MROH2A: variants seen among roughly 807,000 people sequenced by gnomAD.
MROH2A encodes maestro heat like repeat family member 2A, also known as maestro heat-like repeat-containing protein family member 2A.
Under a neutral mutation model 200.4 loss-of-function variants are expected in MROH2A, and 174 were observed. The ratio of observed to expected loss-of-function variants is 0.87; its 90% CI spans 0.77 to 0.98. The LOEUF (loss-of-function observed/expected upper bound fraction) is 0.98, where lower values mean the gene tolerates loss of function less well. Ranked by LOEUF, MROH2A falls within the 50% of genes least tolerant of loss-of-function variation. The probability of loss-of-function intolerance (pLI) is 0.00; values close to 1 mark genes in which losing one functional copy is unlikely to be tolerated. For synonymous variants in MROH2A, 829 were observed against 840.4 expected, an observed-to-expected ratio of 0.99 and a Z score of 0.23; for missense variants, 2,045 against 2,139.6, an observed-to-expected ratio of 0.96 and a Z score of 0.87.
chr2:233,793,800 G>A lies in MROH2A; in HGVS notation c.798G>A (p.Val266=). The A allele has an allele frequency of 6.8e-7, 1 of 1,466,210 alleles. No homozygotes were observed. Among genetic ancestry groups the A allele is most frequent in the South Asian group, 1.5e-5 (1 of 68,390 alleles). The allele number at this position is 1,466,210 out of a possible 1,614,324, so 90.8% of individuals were successfully genotyped here. ...CCATGTATCGCTACTTCGTGACAGT[G>A]TGGCTGAGGCACTACAACCCCGAGG... ...VFPMYRYFVT[V]WLRHYNPEVK... is the part of the protein sequence containing the mutation. Residue 266 remains valine (V), a synonymous_variant, in exon 7 of 42, where the codon GTG becomes GTA. Coordinates refer to ENST00000389758, the MANE Select transcript of MROH2A (RefSeq NM_001394639.1).
intron 3 of MROH2A, among the ~76,000 whole-genome samples, chr2:233,782,899 C>A (rs1701015143): frequency 6.6e-6 from 1 of 151,748 alleles, no homozygotes; most frequent in African/African-American, 2.4e-5. Flanking sequence ...CTATGCCCAG[C>A]TTGTTGAGTT....
Position 233,816,709 on chromosome 2 carries a change from C to A in MROH2A, c.2857-72C>A, listed in dbSNP as rs931604279. The A allele has an allele frequency of 1.1e-5, 11 of 1,028,448 alleles. No homozygotes were observed. The African/African-American group carries it at 1.3e-4, about 12-fold the overall frequency. 63.7% of individuals were successfully genotyped at this position (1,028,448 alleles called of 1,614,324 possible). ...GATCTGAGTAGGAGGGTGAGGTGGGCAAAAGCTGGCCAGGAAAGGGCTGGC... is the reference window on the plus strand; with the variant it reads ...GATCTGAGTAGGAGGGTGAGGTGGGAAAAAGCTGGCCAGGAAAGGGCTGGC... On this transcript the variant is annotated intron_variant, in intron 26 of 41. Coordinates refer to ENST00000389758, the MANE Select transcript of MROH2A (RefSeq NM_001394639.1).
intron 1 of MROH2A, among the ~76,000 whole-genome samples, chr2:233,779,046 C>T (rs1700802915): frequency 6.6e-6 from 1 of 152,204 alleles, no homozygotes; most frequent in African/African-American, 2.4e-5. Flanking sequence ...AGGCAGTTTG[C>T]ATCATGGCTG....
At chr2:233,783,503 A>C (rs1304679852) in intron 3 of MROH2A, among the ~76,000 whole-genome samples, 1 of 152,108 alleles carries the variant, frequency 6.6e-6, no homozygotes, top group Non-Finnish European at 1.5e-5. Flanking sequence ...ATTTGTTGGC[A>C]TGTAGTTGTT....
At position 233,807,605 on chromosome 2, in the gene MROH2A, G is replaced by A. The variant is rs901547019; in HGVS notation, c.2172+63G>A. ...CCTCTGGACCCTCGGGGACATGTGT[G>A]TTCATGTGGCTGCATGCGTTTTGTG... On this transcript the variant is annotated intron_variant, in intron 20 of 41. Transcript: ENST00000389758. The surrounding 1 kb of genome is among the most constrained non-coding windows in gnomAD (Gnocchi z 4.3). The A allele has an allele frequency of 6.5e-7, 1 of 1,545,012 alleles. No homozygotes were observed. The highest frequency in any genetic ancestry group is 2.0e-5 in the Admixed American group (1 of 50,888).
At chr2:233,800,099 C>A in intron 13 of MROH2A, 106 bp from the exon 14 acceptor site, 1 of 1,070,868 alleles carries the variant, frequency 9.3e-7, no homozygotes, top group Non-Finnish European at 1.4e-6. Flanking sequence ...ATTCTGTAGA[C>A]TCAGTATCTG....
At chr2:233,818,799 C>G (rs1437919789) in intron 29 of MROH2A, 29 bp downstream of exon 29, 1 of 1,427,692 alleles carries the variant, frequency 7.0e-7, no homozygotes, top group African/African-American at 1.4e-5. Flanking sequence ...GCCTGGGCTG[C>G]CAGGCTGGTC....
Position 233,833,402 on chromosome 2 carries a change from C to T in MROH2A, c.*143C>T, listed in dbSNP as rs2124944704. On this transcript the variant is annotated 3_prime_UTR_variant, in exon 42 of 42. Coordinates refer to ENST00000389758, the MANE Select transcript of MROH2A (RefSeq NM_001394639.1). ...TTTTGTTTCCTTCCGTTGAAATAAA[C>T]CTCCACTGTCGTTGGAGTAGACTTG... is the stretch of plus-strand genomic sequence containing the variant. 1 of 956,938 alleles carries T rather than the reference C, an allele frequency of 1.0e-6. No individual in the cohort carries two copies. Among genetic ancestry groups the T allele is most frequent in the Admixed American group, 3.6e-5 (1 of 27,690 alleles). 59.3% of individuals were successfully genotyped at this position (956,938 alleles called of 1,614,324 possible).
At chr2:233,814,884 A>T (rs769545544) in intron 26 of MROH2A, among the ~76,000 whole-genome samples, 1 of 152,106 alleles carries the variant, frequency 6.6e-6, no homozygotes, top group Non-Finnish European at 1.5e-5. Context: ...ACTTTGTCAC[A>T]TTTTCTTTCT....
intron 22 of MROH2A, 57 bp from the exon 23 acceptor site, chr2:233,810,737 A>T: frequency 6.5e-7 from 1 of 1,536,714 alleles, no homozygotes; most frequent in Non-Finnish European, 8.8e-7. Context: ...TGCAGCTTGG[A>T]TTCTTCTGGG....
upstream of MROH2A, among the ~76,000 whole-genome samples, chr2:233,777,021 C>T (rs1038694350): frequency 2.0e-5 from 3 of 152,188 alleles, no homozygotes; most frequent in Non-Finnish European, 4.4e-5. Context: ...AATGGCCAGC[C>T]CTCTAGCTGT....
rs145584351 is a variant in MROH2A, at chr2:233,782,104, C to A, written c.276+2252C>A. 3.2e-3 allele frequency among the ~76,000 whole-genome samples: 480 copies of A among 152,216 alleles called. 4 individuals are homozygous for A. Among genetic ancestry groups the A allele is most frequent in the African/African-American group, 0.011 (456 of 41,530 alleles). On this transcript the variant is annotated intron_variant, in intron 3 of 41. Coordinates refer to ENST00000389758, the MANE Select transcript of MROH2A (RefSeq NM_001394639.1). ...TATGTGCATGTTTTTATGCCAGTAC[C>A]ATGCTATTTTGGTTACTATGGCTTT...
chr2:233,786,754 TAATC>T (rs1701228726), intron 3 of MROH2A, among the ~76,000 whole-genome samples: 1 of 152,158 alleles, frequency 6.6e-6, no homozygotes, highest in Non-Finnish European at 1.5e-5. Flanking sequence ...ACACAGGTCT[TAATC>T]AGTCATCAGT....
At chr2:233,818,804 C>A (rs2124843290) in intron 29 of MROH2A, 34 bp downstream of exon 29, 2 of 1,414,686 alleles carry the variant, frequency 1.4e-6, no homozygotes, top group Non-Finnish European at 1.9e-6. Context: ...GGCTGCCAGG[C>A]TGGTCTCAGG....
At chr2:233,780,278 G>T (rs1250408525) in intron 3 of MROH2A, among the ~76,000 whole-genome samples, 1 of 152,182 alleles carries the variant, frequency 6.6e-6, no homozygotes, top group Non-Finnish European at 1.5e-5. Flanking sequence ...GACAAGGTTT[G>T]CATCACGTGG....
At chr2:233,829,497 C>T in intron 37 of MROH2A, 123 bp from the exon 38 acceptor site, 2 of 974,286 alleles carry the variant, frequency 2.1e-6, no homozygotes, top group Non-Finnish European at 2.8e-6. Context: ...GAGACTACAC[C>T]CTGACGGAAT....
chr2:233,801,835 C>G (rs1336379855), intron 14 of MROH2A, among the ~76,000 whole-genome samples: 3 of 152,296 alleles, frequency 2.0e-5, no homozygotes, highest in African/African-American at 7.2e-5. Context: ...GGGTGCCCCT[C>G]TAGAGGACTT....
intron 5 of MROH2A, among the ~76,000 whole-genome samples, chr2:233,792,273 C>A (rs75881960): frequency 6.6e-6 from 1 of 151,650 alleles, no homozygotes; most frequent in Non-Finnish European, 1.5e-5. Flanking sequence ...CTTTCCTCCC[C>A]TTTTGCCTGG....
In MROH2A at chr2:233,789,537, A is replaced by C. The variant is rs928864375; in HGVS notation, c.317A>C (p.Gln106Pro). 17 of 1,483,314 alleles carry C rather than the reference A, an allele frequency of 1.1e-5. No homozygotes were observed. Among genetic ancestry groups the C allele is most frequent in the Non-Finnish European group, 1.3e-5 (15 of 1,116,506 alleles). The allele number at this position is 1,483,314 out of a possible 1,614,324, so 91.9% of individuals were successfully genotyped here. A position where few individuals can be genotyped will look rare whatever the true frequency, so the allele number is the denominator to read the frequency against. Residue 106 changes from glutamine (Q) to proline (P), a missense_variant, in exon 4 of 42, where the codon CAG becomes CCG. Physicochemically the swap from Gln to Pro is moderately conservative, Grantham distance 76. Coordinates refer to ENST00000389758, the MANE Select transcript of MROH2A (RefSeq NM_001394639.1). ...AAGGTCAACATTTACAACATCCTCC[A>C]GGACATCATCCAGCAGGAGGGGGAG... ...QRKVNIYNIL[Q>P]DIIQQEGELE...
Sources: gnomAD v4.1 joint callset for allele counts (sites outside exome capture counted in the v4.1 genomes callset) on GRCh38, gnomAD v4.1.1 for gene constraint, Gnocchi (gnomAD v3.1) non-coding constraint, MANE v1.5 for transcripts, NCBI Gene and HGNC (gene_info 2026-07-23, HGNC 2026-07-21) for gene names.